ABLIM2: variants seen among roughly 807,000 people sequenced by gnomAD.
ABLIM2 encodes the protein actin binding LIM protein family member 2, also known as actin-binding LIM protein 2.
ABLIM2 carries 53 observed loss-of-function variants against 97.7 expected under a neutral mutation model. The ratio of observed to expected loss-of-function variants is 0.54; its 90% CI spans 0.44 to 0.68. ABLIM2 has a LOEUF of 0.68. ABLIM2 is among the 30% of genes least tolerant of loss of function. The pLI is 0.00. For missense variants in ABLIM2, 835 were observed against 867.2 expected, an observed-to-expected ratio of 0.96 and a Z score of 0.47; for synonymous variants, 361 against 345.8, an observed-to-expected ratio of 1.04 and a Z score of -0.49.
intron 16 of ABLIM2, chr4:8,007,820 G>A (rs1175159226): frequency 3.8e-6 from 5 of 1,322,826 alleles, no homozygotes; most frequent in Non-Finnish European, 1.9e-6. Flanking sequence ...GGAAATCTGT[G>A]AGGGGACATG....
chr4:8,106,785 T>C, intron 1 of ABLIM2, 148 bp from the exon 2 acceptor site: 1 of 988,666 alleles, frequency 1.0e-6, no homozygotes, highest in Non-Finnish European at 1.4e-6. Flanking sequence ...GGGGTCGGTC[T>C]GTTGTCTCCT....
chr4:8,005,303 C>T lies in ABLIM2; in HGVS notation c.1618+2756G>A, dbSNP rs778042732. On this transcript the variant is annotated intron_variant, in intron 16 of 20. Coordinates refer to ENST00000447017, the MANE Select transcript of ABLIM2 (RefSeq NM_001130083.2). The surrounding 1 kb of genome is among the most constrained non-coding windows in gnomAD (Gnocchi z 4.9). ...TCGGCGCCCCGCTCAGCGTCTGGCA[C>T]AGAGTGGGTGCTCAATAAATACCCG... is the stretch of plus-strand genomic sequence containing the variant. 3 of 531,260 alleles carry T rather than the reference C, an allele frequency of 5.6e-6. No homozygotes were observed. The highest frequency in any genetic ancestry group is 3.9e-5 in the African/African-American group (2 of 51,902). The allele number at this position is 531,260 out of a possible 1,614,324, so 32.9% of individuals were successfully genotyped here. A position where few individuals can be genotyped will look rare whatever the true frequency, so the allele number is the denominator to read the frequency against.
In ABLIM2 at chr4:8,124,168, G is replaced by A. The variant is rs1402904423; in HGVS notation, c.11-17531C>T. On this transcript the variant is annotated intron_variant, in intron 1 of 20. Coordinates refer to ENST00000447017, the MANE Select transcript of ABLIM2 (RefSeq NM_001130083.2). This position sits in a 1 kb window ranked among gnomAD's most constrained non-coding sequence, Gnocchi z 6.1. ...CTATCTTCTCATAAGGCAGCACCTCGATGTGCTTTCAGAAACAATATTCTC... is the reference window on the plus strand; with the variant it reads ...CTATCTTCTCATAAGGCAGCACCTCAATGTGCTTTCAGAAACAATATTCTC... 2.6e-5 allele frequency among the ~76,000 whole-genome samples: 4 copies of A among 152,078 alleles called. No individual in the cohort carries two copies. Among genetic ancestry groups the A allele is most frequent in the South Asian group, 4.1e-4 (2 of 4,826 alleles).
At position 7,986,206 on chromosome 4, in the gene ABLIM2, C is replaced by T. The variant is rs937929897; in HGVS notation, c.1681-1313G>A. 6.6e-6 allele frequency among the ~76,000 whole-genome samples: 1 copy of T among 152,176 alleles called. No homozygotes were observed. The highest frequency in any genetic ancestry group is 1.5e-5 in the Non-Finnish European group (1 of 68,040). On this transcript the variant is annotated intron_variant, in intron 17 of 20. Coordinates refer to ENST00000447017, the MANE Select transcript of ABLIM2 (RefSeq NM_001130083.2). This position sits in a 1 kb window ranked among gnomAD's most constrained non-coding sequence, Gnocchi z 4.3. ...CCAAAGGAGAGACGGTATGCTCAGC[C>T]CAGCGGGTCTGTCACAGGGCAAAGT...
intron 1 of ABLIM2, among the ~76,000 whole-genome samples, chr4:8,117,267 G>A (rs964673961): frequency 1.3e-5 from 2 of 152,200 alleles, no homozygotes; most frequent in African/African-American, 4.8e-5. Flanking sequence ...GGCAGAGCAA[G>A]GATTCAAGCC....
intron 20 of ABLIM2, among the ~76,000 whole-genome samples, chr4:7,972,393 C>A (rs1407569579): frequency 6.6e-6 from 1 of 152,216 alleles, no homozygotes; most frequent in Non-Finnish European, 1.5e-5. Flanking sequence ...GTCCCCTCCT[C>A]CTGGAGGCCC....
At position 8,127,928 on chromosome 4, in the gene ABLIM2, A is replaced by C. The variant is rs73075972; in HGVS notation, c.11-21291T>G. On this transcript the variant is annotated intron_variant, in intron 1 of 20. Coordinates refer to ENST00000447017, the MANE Select transcript of ABLIM2 (RefSeq NM_001130083.2). This position sits in a 1 kb window ranked among gnomAD's most constrained non-coding sequence, Gnocchi z 7.3. Reference sequence around the variant, plus strand: ...TAGGGGCAGCAATAGTGAGCTCACAACCCCCACAGCCCCGCGTGCTGGGAG... The same window carrying C: ...TAGGGGCAGCAATAGTGAGCTCACACCCCCCACAGCCCCGCGTGCTGGGAG... Among the ~76,000 whole-genome samples the C allele has an allele frequency of 0.074, 11,301 of 152,020 alleles. 487 individuals are homozygous for C. The highest frequency in any genetic ancestry group is 0.24 in the Middle Eastern group (70 of 294).
At position 8,079,471 on chromosome 4, in the gene ABLIM2, C is replaced by T. The variant is rs560087766; in HGVS notation, c.581+1205G>A. 5.9e-5 allele frequency among the ~76,000 whole-genome samples: 9 copies of T among 152,268 alleles called. No homozygotes were observed. In the East Asian group the frequency reaches 1.7e-3, roughly 29 times the overall value. On this transcript the variant is annotated intron_variant, in intron 5 of 20. Transcript: ENST00000447017. ...CCACACCGGGCGGTCCCTGGATGAC[C>T]GTGACACAGGCGGGGAAACTCATGC...
intron 7 of ABLIM2, among the ~76,000 whole-genome samples, chr4:8,060,645 G>A (rs1802378546): frequency 6.6e-6 from 1 of 152,214 alleles, no homozygotes; most frequent in Non-Finnish European, 1.5e-5. Context: ...AAGTGGCGAC[G>A]GATGTGATCA....
chr4:8,026,155 C>A (rs894624969), intron 12 of ABLIM2, among the ~76,000 whole-genome samples: 1 of 152,196 alleles, frequency 6.6e-6, no homozygotes, highest in South Asian at 2.1e-4. Flanking sequence ...TACAGGCATG[C>A]ACCACCATGC....
chr4:8,149,354 C>A lies in ABLIM2; in HGVS notation c.10+9326G>T, dbSNP rs1005463273. 6.6e-6 allele frequency among the ~76,000 whole-genome samples: 1 copy of A among 152,080 alleles called. No individual in the cohort carries two copies. The highest frequency in any genetic ancestry group is 1.5e-5 in the Non-Finnish European group (1 of 68,036). Reference sequence around the variant, plus strand: ...ACAGGGCCTGGGATTAGGACATGGGCACCTTTGAGTCCACTGTTCAGCCCC... The same window carrying A: ...ACAGGGCCTGGGATTAGGACATGGGAACCTTTGAGTCCACTGTTCAGCCCC... On this transcript the variant is annotated intron_variant, in intron 1 of 20. Coordinates refer to ENST00000447017, the MANE Select transcript of ABLIM2 (RefSeq NM_001130083.2). The surrounding 1 kb of genome is among the most constrained non-coding windows in gnomAD (Gnocchi z 6.4).
intron 1 of ABLIM2, 28 bp downstream of exon 1, chr4:8,158,652 C>T (rs1302605242): frequency 1.3e-6 from 2 of 1,503,838 alleles, no homozygotes; most frequent in Admixed American, 2.1e-5. Flanking sequence ...CGCGGGGACC[C>T]GTTGGTCCCT....
At position 8,112,565 on chromosome 4, in the gene ABLIM2, C is replaced by T. The variant is rs142296012; in HGVS notation, c.11-5928G>A. On this transcript the variant is annotated intron_variant, in intron 1 of 20. Transcript: ENST00000447017. The surrounding 1 kb of genome is among the most constrained non-coding windows in gnomAD (Gnocchi z 4.2). ...GGGTGGCTATCAGAAAGAGGAAAAA[C>T]GATGACTCTGAGGTCTACTCGAGGT... is the stretch of plus-strand genomic sequence containing the variant. Among the ~76,000 whole-genome samples the T allele has an allele frequency of 8.2e-4, 125 of 152,248 alleles. No homozygotes were observed. The highest frequency in any genetic ancestry group is 2.8e-3 in the African/African-American group (116 of 41,530).
rs1053712794 is a variant in ABLIM2, at chr4:8,023,103, A to T, written c.1268-2800T>A. The T allele has an allele frequency of 6.6e-5, 10 of 151,734 alleles. No homozygotes were observed. The highest frequency in any genetic ancestry group is 2.4e-4 in the African/African-American group (10 of 41,112). 9.4% of individuals were successfully genotyped at this position (151,734 alleles called of 1,614,324 possible). ...CCTCCTCTCCTCTTCCATTTTTAAA[A>T]ATTTCAGTAAATGTTTCATTAGGAA... On this transcript the variant is annotated intron_variant, in intron 12 of 20. Transcript: ENST00000447017. This position sits in a 1 kb window ranked among gnomAD's most constrained non-coding sequence, Gnocchi z 5.7.
At chr4:8,092,876 G>T (rs4696752) in intron 3 of ABLIM2, among the ~76,000 whole-genome samples, 38,937 of 151,870 alleles carry the variant, frequency 0.26, 5,241 homozygotes, top group East Asian at 0.32. Context: ...TGAGATGGAG[G>T]CTCCCTCTGT....
At chr4:8,078,227 C>T (rs188821878) in intron 5 of ABLIM2, among the ~76,000 whole-genome samples, 10 of 152,350 alleles carry the variant, frequency 6.6e-5, no homozygotes, top group African/African-American at 2.4e-4. Flanking sequence ...GCATCACAGC[C>T]CCCGAATATG....
Position 8,112,845 on chromosome 4 carries a change from C to T in ABLIM2, c.11-6208G>A, listed in dbSNP as rs546267933. ...CTCAGGTGTGTCCGAGGCTCCTCCT[C>T]CCACCCCTTCCATCACCTGCTGGGC... On this transcript the variant is annotated intron_variant, in intron 1 of 20. Transcript: ENST00000447017. The surrounding 1 kb of genome is among the most constrained non-coding windows in gnomAD (Gnocchi z 4.2). 6.6e-6 allele frequency among the ~76,000 whole-genome samples: 1 copy of T among 152,310 alleles called. No homozygotes were observed. The highest frequency in any genetic ancestry group is 2.4e-5 in the African/African-American group (1 of 41,564).
At chr4:8,057,569 C>G (rs1243406302) in intron 7 of ABLIM2, among the ~76,000 whole-genome samples, 1 of 152,196 alleles carries the variant, frequency 6.6e-6, no homozygotes, top group Non-Finnish European at 1.5e-5. Flanking sequence ...GCATAAGAGG[C>G]CTGTGTCCTT....
intron 8 of ABLIM2, among the ~76,000 whole-genome samples, chr4:8,053,961 T>A (rs949631772): frequency 1.3e-5 from 2 of 152,182 alleles, no homozygotes; most frequent in Admixed American, 1.3e-4. Flanking sequence ...TTGCCTGTGG[T>A]ATTCTGTGAT....
Sources: allele counts gnomAD v4.1 joint callset (sites outside exome capture counted in the v4.1 genomes callset), GRCh38; gene constraint gnomAD v4.1.1; non-coding constraint Gnocchi (gnomAD v3.1); transcripts MANE v1.5; gene names NCBI Gene and HGNC (gene_info 2026-07-23, HGNC 2026-07-21).